RALGPS1: variants seen among roughly 807,000 people sequenced by gnomAD.
The protein encoded by RALGPS1 is ras-specific guanine nucleotide-releasing factor RalGPS1.
A neutral mutation model predicts 78.8 loss-of-function variants in RALGPS1; 19 were observed. That is an observed-to-expected ratio of 0.24 (90% CI 0.17 to 0.35). RALGPS1 has a LOEUF of 0.35. Ranked by LOEUF, RALGPS1 falls within the 10% of genes least tolerant of loss-of-function variation. The probability of loss-of-function intolerance (pLI) is 1.00; values close to 1 mark genes in which losing one functional copy is unlikely to be tolerated. For synonymous variants in RALGPS1, 228 were observed against 256.3 expected (o/e 0.89, Z 1.06); for missense variants, 454 against 688.3 (o/e 0.66, Z 3.81).
intron 12 of RALGPS1, among the ~76,000 whole-genome samples, chr9:127,195,777 C>T (rs1409732626): frequency 6.6e-6 from 1 of 152,012 alleles, no homozygotes; most frequent in Admixed American, 6.5e-5. Flanking sequence ...TTCCTTCCCT[C>T]CCTTCCTTTT....
At chr9:126,957,411 C>A (rs2038450149) in intron 1 of RALGPS1, among the ~76,000 whole-genome samples, 1 of 152,206 alleles carries the variant, frequency 6.6e-6, no homozygotes, top group Non-Finnish European at 1.5e-5. Context: ...GAGTGCCAGG[C>A]ACACCCAGAA....
At chr9:127,021,724 A>G (rs2045472976) in intron 4 of RALGPS1, among the ~76,000 whole-genome samples, 1 of 151,204 alleles carries the variant, frequency 6.6e-6, no homozygotes, top group African/African-American at 2.4e-5. Context: ...CATAATTCCC[A>G]GTGTAAGAGT....
chr9:127,204,262 G>C (rs2061811631), intron 14 of RALGPS1, among the ~76,000 whole-genome samples: 1 of 152,122 alleles, frequency 6.6e-6, no homozygotes, highest in Non-Finnish European at 1.5e-5. Context: ...GATCTCCCAG[G>C]CTCAAGTGAT....
At chr9:126,978,234 C>G (rs1379489882) in intron 4 of RALGPS1, 1 of 151,308 alleles carries the variant, frequency 6.6e-6, no homozygotes, top group East Asian at 1.9e-4. Flanking sequence ...AATCCCGGCA[C>G]TTTGGGAGCC....
chr9:126,997,597 A>G (rs1415321296), intron 4 of RALGPS1, among the ~76,000 whole-genome samples: 2 of 152,230 alleles, frequency 1.3e-5, no homozygotes, highest in African/African-American at 4.8e-5. Context: ...ATACTGCCCA[A>G]GGTGATTTAT....
chr9:127,166,267 G>A (rs2059284078), intron 9 of RALGPS1, 61 bp downstream of exon 9: 2 of 1,585,466 alleles, frequency 1.3e-6, no homozygotes, highest in Non-Finnish European at 8.6e-7. Context: ...GGTCTTACCA[G>A]TGAGAAAGCT....
At position 127,072,358 on chromosome 9, in the gene RALGPS1, G is replaced by T. The variant is rs533995564; in HGVS notation, c.610+3002G>T. 1.1e-4 allele frequency among the ~76,000 whole-genome samples: 16 copies of T among 152,240 alleles called. No individual in the cohort carries two copies. The South Asian group carries it at 2.3e-3, about 22-fold the overall frequency. ...CTCCCAAGTAGCTGGGACTACAGGT[G>T]CACGCCACCACGTCCAGCTAATTTT... On this transcript the variant is annotated intron_variant, in intron 8 of 18. Coordinates refer to ENST00000259351, the MANE Select transcript of RALGPS1 (RefSeq NM_014636.3).
At chr9:127,168,104 T>C (rs887277120) in intron 9 of RALGPS1, among the ~76,000 whole-genome samples, 2 of 152,226 alleles carry the variant, frequency 1.3e-5, no homozygotes, top group Admixed American at 1.3e-4. Flanking sequence ...CCTATAAAAT[T>C]ACCTGCTGCA....
chr9:127,092,436 G>A (rs2052597903), intron 8 of RALGPS1, among the ~76,000 whole-genome samples: 1 of 151,994 alleles, frequency 6.6e-6, no homozygotes, highest in South Asian at 2.1e-4. Context: ...CTAAAACCCA[G>A]TGGTTTTGTG....
chr9:127,067,369 C>T lies in RALGPS1; in HGVS notation c.484-1861C>T, dbSNP rs75024571. Among the ~76,000 whole-genome samples the T allele has an allele frequency of 5.0e-3, 755 of 152,318 alleles. 20 individuals carry two copies. In the East Asian group the frequency reaches 0.075, roughly 15 times the overall value. ...AGCATATTCTTCTGCCTCTCCTTAC[C>T]GAAGTTCGTAAGCTATCACTGCTCC... is the stretch of plus-strand genomic sequence containing the variant. On this transcript the variant is annotated intron_variant, in intron 7 of 18. Transcript: ENST00000259351.
intron 8 of RALGPS1, among the ~76,000 whole-genome samples, chr9:127,141,864 A>G (rs968256307): frequency 2.6e-5 from 4 of 152,190 alleles, no homozygotes; most frequent in African/African-American, 9.7e-5. Flanking sequence ...GTTTTACTTT[A>G]TATGTAAATG....
At chr9:127,087,740 G>A (rs2051939548) in intron 8 of RALGPS1, 1 of 152,194 alleles carries the variant, frequency 6.6e-6, no homozygotes, top group African/African-American at 2.4e-5. Context: ...TGTGGCACTT[G>A]TTCTCCAGGG....
At chr9:126,958,383 G>C (rs975717048) in intron 1 of RALGPS1, among the ~76,000 whole-genome samples, 29 of 151,980 alleles carry the variant, frequency 1.9e-4, no homozygotes, top group African/African-American at 6.8e-4. Flanking sequence ...TCCAGTTTTA[G>C]AACATTTCCA....
intron 10 of RALGPS1, among the ~76,000 whole-genome samples, chr9:127,174,459 T>C (rs190391466): frequency 1.3e-3 from 203 of 152,242 alleles, no homozygotes; most frequent in South Asian, 2.7e-3. Context: ...ATCTAGAAAA[T>C]GTACTGGTTC....
At chr9:127,011,544 A>T (rs1375694370) in intron 4 of RALGPS1, among the ~76,000 whole-genome samples, 1 of 152,172 alleles carries the variant, frequency 6.6e-6, no homozygotes, top group East Asian at 1.9e-4. Flanking sequence ...TGTATTAGAC[A>T]AATTATATGT....
At chr9:127,200,107 C>T (rs761294737) in intron 14 of RALGPS1, among the ~76,000 whole-genome samples, 14 of 152,178 alleles carry the variant, frequency 9.2e-5, no homozygotes, top group Admixed American at 2.0e-4. Context: ...TGCATGCATG[C>T]ATGTACCCTC....
intron 8 of RALGPS1, among the ~76,000 whole-genome samples, chr9:127,165,099 TTTTG>T (rs1444927788): frequency 6.6e-6 from 1 of 152,256 alleles, no homozygotes; most frequent in Non-Finnish European, 1.5e-5. Flanking sequence ...TCACCTGGAC[TTTTG>T]TTTTTTAGAG....
At chr9:126,935,120 C>G (rs145707281) in intron 1 of RALGPS1, among the ~76,000 whole-genome samples, 1 of 152,352 alleles carries the variant, frequency 6.6e-6, no homozygotes, top group Admixed American at 6.5e-5. Context: ...CTCGCGGGAG[C>G]TCTCCTTTCC....
chr9:126,921,050 A>G (rs918856263), intron 1 of RALGPS1, among the ~76,000 whole-genome samples: 18 of 152,360 alleles, frequency 1.2e-4, no homozygotes, highest in African/African-American at 4.3e-4. Context: ...AATGCAGTGC[A>G]GTGTTTAGCA....
Sources: gnomAD v4.1 joint callset for allele counts (sites outside exome capture counted in the v4.1 genomes callset) on GRCh38, gnomAD v4.1.1 for gene constraint, MANE v1.5 for transcripts, NCBI Gene and HGNC (gene_info 2026-07-23, HGNC 2026-07-21) for gene names.